Variants in ABCA12 observed in about 807,000 individuals in gnomAD.
The protein encoded by ABCA12 is glucosylceramide transporter ABCA12.
A neutral mutation model predicts 293.5 loss-of-function variants in ABCA12; 156 were observed. The ratio of observed to expected loss-of-function variants is 0.53; its 90% CI spans 0.47 to 0.61. ABCA12 has a LOEUF of 0.61. Ranked by LOEUF, ABCA12 falls within the 20% of genes least tolerant of loss-of-function variation. The pLI is 0.00. For missense variants in ABCA12, 2,797 were observed against 3,090.2 expected, an observed-to-expected ratio of 0.91 and a Z score of 2.25; for synonymous variants, 1,063 against 1,108.0, an observed-to-expected ratio of 0.96 and a Z score of 0.81.
intron 26 of ABCA12, among the ~76,000 whole-genome samples, chr2:214,988,363 G>A (rs1200378396): frequency 6.6e-6 from 1 of 152,150 alleles, no homozygotes; most frequent in Admixed American, 6.5e-5. Flanking sequence ...GTGCAATTCA[G>A]TATTAGAACA....
chr2:215,049,679 T>C lies in ABCA12; in HGVS notation c.640A>G (p.Asn214Asp). Residue 214 changes from asparagine to aspartate, a missense_variant, in exon 6 of 53, where the codon AAC (asparagine) becomes GAC (aspartate). Transcript: ENST00000272895. ...AGAGAAGACTCTAAAAGGGTCATGT[T>C]AGAAAGGCAAAATTTGTTAAAAACA... ...RNVFNKFCLSNMTLLESSLQE... is the reference protein window; with the variant it reads ...RNVFNKFCLSDMTLLESSLQE... The C allele has an allele frequency of 6.2e-7, 1 of 1,613,638 alleles. No individual in the cohort carries two copies. The highest frequency in any genetic ancestry group is 1.1e-5 in the South Asian group (1 of 91,062).
intron 1 of ABCA12, among the ~76,000 whole-genome samples, chr2:215,123,588 C>T (rs1004592004): frequency 3.9e-5 from 6 of 152,128 alleles, no homozygotes; most frequent in Non-Finnish European, 8.8e-5. Flanking sequence ...TGGGTGGATA[C>T]ACAGTAGTGA....
At position 214,997,777 on chromosome 2, in the gene ABCA12, A is replaced by G. The variant is rs1457018001; in HGVS notation, c.3212T>C (p.Ile1071Thr). The G allele has an allele frequency of 1.2e-6, 2 of 1,613,490 alleles. No individual in the cohort carries two copies. The highest frequency in any genetic ancestry group is 1.1e-5 in the South Asian group (1 of 91,054). Residue 1071 changes from isoleucine (I) to threonine (T), a missense_variant, in exon 23 of 53, where the codon ATT (isoleucine) becomes ACT (threonine). Around this residue, in one of 3 missense-constraint regions of ABCA12, gnomAD observed 2,130 missense variants for 2,427.0 expected, o/e 0.88. Coordinates refer to ENST00000272895, the MANE Select transcript of ABCA12 (RefSeq NM_173076.3). ...FLTSVSYSLP[I>T]VLMVAWVVFI... ...TACAACCCAGGCAACCATAAGCACA[A>G]TTGGAAGAGAATAAGAGACACTGGT...
At chr2:214,958,541 GA>G in intron 40 of ABCA12, 87 bp from the exon 41 acceptor site, 1 of 1,423,426 alleles carries the variant, frequency 7.0e-7, no homozygotes, top group Non-Finnish European at 9.7e-7. Context: ...AAACCATCAA[GA>G]AAACAGTACA....
chr2:214,973,823 TTC>T (rs1559123283), intron 36 of ABCA12, 124 bp downstream of exon 36: 1 of 817,044 alleles, frequency 1.2e-6, no homozygotes, highest in Non-Finnish European at 2.1e-6. Flanking sequence ...AGATCCATAT[TTC>T]TGAGCTACTA....
rs769753487 is a variant in ABCA12, at chr2:214,966,854, G to A, written c.5878C>T (p.Arg1960Ter). ...RVNMSKYDAA[R>*]HGIIMYSHPY... ...TTTGTGTTAGTAACTTTACCATGTC[G>A]GGCAGCATCGTATTTTGACATGTTA... The change falls in exon 39 of 53, where the codon CGA becomes TGA. Residue 1960 changes from arginine to a stop codon, truncating the protein, a stop_gained. Transcript: ENST00000272895. LOFTEE classifies it high-confidence loss of function. 1 of 1,613,474 alleles carries A rather than the reference G, an allele frequency of 6.2e-7. No individual in the cohort carries two copies. Among genetic ancestry groups the A allele is most frequent in the Non-Finnish European group, 8.5e-7 (1 of 1,179,612 alleles).
intron 42 of ABCA12, 120 bp downstream of exon 42, chr2:214,956,543 A>C (rs1449066494): frequency 2.8e-6 from 2 of 710,354 alleles, no homozygotes; most frequent in Non-Finnish European, 5.0e-6. Context: ...GTTAGTCATC[A>C]CTCATGTCAA....
intron 11 of ABCA12, among the ~76,000 whole-genome samples, chr2:215,023,914 A>G (rs968650172): frequency 2.6e-5 from 4 of 152,200 alleles, no homozygotes; most frequent in Non-Finnish European, 5.9e-5. Context: ...AACTTTCATG[A>G]TCAAATTCAA....
chr2:214,969,909 C>T (rs748506433), intron 37 of ABCA12, among the ~76,000 whole-genome samples: 1 of 151,964 alleles, frequency 6.6e-6, no homozygotes, highest in Non-Finnish European at 1.5e-5. Context: ...ATATCACACT[C>T]TTAAGTTTTG....
At chr2:214,988,988 G>A (rs1699848167) in intron 26 of ABCA12, among the ~76,000 whole-genome samples, 1 of 150,970 alleles carries the variant, frequency 6.6e-6, no homozygotes, top group Non-Finnish European at 1.5e-5. Flanking sequence ...AGAGCAGCCT[G>A]GCTAACATGG....
At chr2:215,027,553 T>C (rs2106024949) in intron 9 of ABCA12, among the ~76,000 whole-genome samples, 1 of 152,288 alleles carries the variant, frequency 6.6e-6, no homozygotes. Flanking sequence ...AAAAGGTCAC[T>C]GGGTGAGGAT....
chr2:215,132,508 T>A (rs535085383), intron 1 of ABCA12, among the ~76,000 whole-genome samples: 3 of 152,210 alleles, frequency 2.0e-5, no homozygotes, highest in African/African-American at 7.2e-5. Flanking sequence ...TCTTTTTTTT[T>A]TAACTGTTGT....
chr2:215,000,727 A>T lies in ABCA12; in HGVS notation c.3157T>A (p.Tyr1053Asn), dbSNP rs1333928629. 6.2e-7 allele frequency: 1 copy of T among 1,613,958 alleles called. No homozygotes were observed. Among genetic ancestry groups the T allele is most frequent in the Non-Finnish European group, 8.5e-7 (1 of 1,179,954 alleles). Residue 1053 changes from tyrosine to asparagine, a missense_variant, in exon 22 of 53, where the codon TAT becomes AAT. By Grantham distance (143) the Tyr-to-Asn change is moderately radical (BLOSUM62 -2). Transcript: ENST00000272895. Reference protein sequence around the residue: ...EIAVQVQAIPYPCFMKDNFLT... With the variant: ...EIAVQVQAIPNPCFMKDNFLT... ...TACTTGTCTTTCATGAAGCAGGGAT[A>T]AGGAATTGCTTGAACCTGGACTGCT...
chr2:215,019,712 T>C lies in ABCA12; in HGVS notation c.1372A>G (p.Met458Val). 1 of 1,614,172 alleles carries C rather than the reference T, an allele frequency of 6.2e-7. No individual in the cohort carries two copies. Among genetic ancestry groups the C allele is most frequent in the Non-Finnish European group, 8.5e-7 (1 of 1,180,024 alleles). Residue 458 changes from methionine to valine, a missense_variant, in exon 12 of 53, where the codon ATG becomes GTG. Met to Val is a conservative substitution (Grantham distance 21, BLOSUM62 1). This residue lies in a region of ABCA12 where 656 missense variants were observed against 638.2 expected (regional missense o/e 1.03). Coordinates refer to ENST00000272895, the MANE Select transcript of ABCA12 (RefSeq NM_173076.3). Reference protein sequence around the residue: ...LIEKSCQLSDMSFGSLCEESE... With the variant: ...LIEKSCQLSDVSFGSLCEESE... Reference sequence around the variant, plus strand: ...TCTTCACACAGGCTCCCAAAGCTCATATCAGAGAGCTGGCATGACTTCTCT... The same window carrying C: ...TCTTCACACAGGCTCCCAAAGCTCACATCAGAGAGCTGGCATGACTTCTCT...
chr2:214,979,780 A>G (rs537227672), intron 31 of ABCA12, among the ~76,000 whole-genome samples: 1 of 152,318 alleles, frequency 6.6e-6, no homozygotes, highest in South Asian at 2.1e-4. Context: ...AATAATTAAG[A>G]GTATAACTAT....
rs564816760 is a variant in ABCA12, at chr2:215,066,637, A to G, written c.164-2418T>C. On this transcript the variant is annotated intron_variant, in intron 2 of 52. Transcript: ENST00000272895. ...AAAATTCATCACAGAGTTTCTTTAAAAATAAACTCCCATGGTGTTGAAAGT... is the reference window on the plus strand; with the variant it reads ...AAAATTCATCACAGAGTTTCTTTAAGAATAAACTCCCATGGTGTTGAAAGT... 2.6e-5 allele frequency among the ~76,000 whole-genome samples: 4 copies of G among 152,276 alleles called. No individual in the cohort carries two copies. In the South Asian group the frequency reaches 8.3e-4, roughly 32 times the overall value.
chr2:215,004,356 G>A, intron 19 of ABCA12, 57 bp from the exon 20 acceptor site: 1 of 1,324,594 alleles, frequency 7.5e-7, no homozygotes, highest in Non-Finnish European at 1.1e-6. Flanking sequence ...GTTTGACATT[G>A]TCTCTCTAAT....
chr2:214,943,228 C>A (rs1434560509), intron 49 of ABCA12, among the ~76,000 whole-genome samples: 1 of 152,124 alleles, frequency 6.6e-6, no homozygotes, highest in Non-Finnish European at 1.5e-5. Context: ...GCCTTGACCT[C>A]CTTTGCTCTA....
intron 2 of ABCA12, among the ~76,000 whole-genome samples, chr2:215,094,044 C>A (rs570010498): frequency 3.5e-4 from 54 of 152,290 alleles, no homozygotes; most frequent in African/African-American, 1.3e-3. Context: ...ACTCTACCCG[C>A]CTCCACTACC....
Sources: allele counts gnomAD v4.1 joint callset (sites outside exome capture counted in the v4.1 genomes callset), GRCh38; gene constraint gnomAD v4.1.1; regional missense constraint gnomAD v4.1.1; transcripts MANE v1.5; gene names NCBI Gene and HGNC (gene_info 2026-07-23, HGNC 2026-07-21).